Variants in MAP3K9 observed in about 807,000 individuals in gnomAD.
MAP3K9 encodes the protein mitogen-activated protein kinase kinase kinase 9, also known as mixed lineage kinase 1 (tyr and ser/thr specificity).
In MAP3K9, 46 loss-of-function variants were observed where a neutral mutation model predicts 95.8. The observed-to-expected ratio is 0.48, with a 90% CI of 0.38 to 0.61. The LOEUF (loss-of-function observed/expected upper bound fraction) is 0.61. Ranked by LOEUF, MAP3K9 falls within the 20% of genes least tolerant of loss-of-function variation. The pLI, the probability that MAP3K9 is intolerant of heterozygous loss-of-function variation, is 0.00. For missense variants in MAP3K9, 1,296 were observed against 1,474.3 expected, an observed-to-expected ratio of 0.88 and a Z score of 1.98; for synonymous variants, 533 against 593.8, an observed-to-expected ratio of 0.90 and a Z score of 1.49.
intron 2 of MAP3K9, among the ~76,000 whole-genome samples, chr14:70,779,651 G>C (rs560047348): frequency 1.3e-5 from 2 of 152,252 alleles, no homozygotes; most frequent in East Asian, 1.9e-4. Flanking sequence ...CTTCCAACAG[G>C]AACTGAAGCT....
In MAP3K9 at chr14:70,733,239, A is replaced by C. The variant is rs764811729; in HGVS notation, c.2130T>G (p.Asp710Glu). 9 of 1,612,478 alleles carry C rather than the reference A, an allele frequency of 5.6e-6. No homozygotes were observed. The highest frequency in any genetic ancestry group is 1.3e-5 in the African/African-American group (1 of 74,894). Residue 710 changes from aspartate (D) to glutamate (E), a missense_variant, in exon 11 of 12, where the codon GAT becomes GAG. Asp to Glu is a conservative substitution (Grantham distance 45). Transcript: ENST00000554752. Reference sequence around the variant, plus strand: ...CATGGATTCCATCACTGGAGGGGCCATCGCCATCCTCTCCACGAGGGAATG... The same window carrying C: ...CATGGATTCCATCACTGGAGGGGCCCTCGCCATCCTCTCCACGAGGGAATG... ...CIPFPRGEDG[D>E]GPSSDGIHEE...
rs998920595 is a variant in MAP3K9, at chr14:70,809,382, T to G, written c.-211A>C. 1.9e-6 allele frequency: 1 copy of G among 526,978 alleles called. No homozygotes were observed. Among genetic ancestry groups the G allele is most frequent in the East Asian group, 3.7e-5 (1 of 26,844 alleles). 32.6% of individuals were successfully genotyped at this position (526,978 alleles called of 1,614,324 possible). Reference sequence around the variant, plus strand: ...CCGAGCGCGAGCTCTTCGCGCAGCCTAGGGGCGCAGCGGGCCGAGTCCCCG... The same window carrying G: ...CCGAGCGCGAGCTCTTCGCGCAGCCGAGGGGCGCAGCGGGCCGAGTCCCCG... On this transcript the variant is annotated 5_prime_UTR_variant, in exon 1 of 12. Transcript: ENST00000554752.
At chr14:70,752,783 T>C (rs2054247670) in intron 3 of MAP3K9, among the ~76,000 whole-genome samples, 1 of 152,194 alleles carries the variant, frequency 6.6e-6, no homozygotes, top group Non-Finnish European at 1.5e-5. Flanking sequence ...TTTGTGTCCC[T>C]GCATCCCTTC....
intron 2 of MAP3K9, among the ~76,000 whole-genome samples, chr14:70,775,927 G>A (rs1317648218): frequency 6.6e-6 from 1 of 152,228 alleles, no homozygotes; most frequent in Non-Finnish European, 1.5e-5. Context: ...GGTGGCTCAA[G>A]CCTGTAATCC....
intron 2 of MAP3K9, among the ~76,000 whole-genome samples, chr14:70,798,517 C>T (rs1439510402): frequency 4.6e-5 from 5 of 107,544 alleles, no homozygotes; most frequent in Admixed American, 3.9e-4. Flanking sequence ...CTCGCTCTGT[C>T]GCCCAGGCTG....
chr14:70,795,411 C>T (rs112455094), intron 2 of MAP3K9, among the ~76,000 whole-genome samples: 6,046 of 152,084 alleles, frequency 0.04, 150 homozygotes, highest in Admixed American at 0.061. Flanking sequence ...CAGGCTCAAG[C>T]GATCCTCCCA....
At chr14:70,754,910 C>T (rs2054277713) in intron 3 of MAP3K9, among the ~76,000 whole-genome samples, 1 of 152,200 alleles carries the variant, frequency 6.6e-6, no homozygotes, top group African/African-American at 2.4e-5. Flanking sequence ...AGAAAGGGAA[C>T]AATTTCAGCA....
chr14:70,765,827 T>C (rs574271145), intron 2 of MAP3K9, among the ~76,000 whole-genome samples: 3 of 147,930 alleles, frequency 2.0e-5, no homozygotes, highest in Non-Finnish European at 4.4e-5. Flanking sequence ...CTACACCATA[T>C]AGCCCAGGTG....
chr14:70,742,602 G>A lies in MAP3K9; in HGVS notation c.1327-11C>T, dbSNP rs773095243. On this transcript the variant is annotated splice_polypyrimidine_tract_variant and intron_variant, in intron 5 of 11. Transcript: ENST00000554752. ...CCAGGTGCGAAGTTCCTGCAGGATG[G>A]GCAGAACCATCAGAGAAAAGACTGG... 1 of 1,612,774 alleles carries A rather than the reference G, an allele frequency of 6.2e-7. No individual in the cohort carries two copies. Among genetic ancestry groups the A allele is most frequent in the Non-Finnish European group, 8.5e-7 (1 of 1,179,230 alleles).
In MAP3K9 at chr14:70,723,173, T is replaced by A. The variant is rs530425579; in HGVS notation, c.*7207A>T. 2.0e-5 allele frequency: 3 copies of A among 152,262 alleles called. No homozygotes were observed. In the South Asian group the frequency reaches 6.2e-4, roughly 32 times the overall value. The allele number at this position is 152,262 out of a possible 1,614,324, so 9.4% of individuals were successfully genotyped here. Reference sequence around the variant, plus strand: ...AAAAAGGCAAAAGCCTGACCTCAAGTGCCCAGGGAGGAGACACAAGCTACA... The same window carrying A: ...AAAAAGGCAAAAGCCTGACCTCAAGAGCCCAGGGAGGAGACACAAGCTACA... On this transcript the variant is annotated 3_prime_UTR_variant, in exon 12 of 12. Transcript: ENST00000554752.
intron 2 of MAP3K9, among the ~76,000 whole-genome samples, chr14:70,779,269 C>T (rs2054642523): frequency 6.6e-6 from 1 of 152,114 alleles, no homozygotes; most frequent in Non-Finnish European, 1.5e-5. Context: ...AGTGTTGTGA[C>T]AAGATTTGAG....
rs776665738 is a variant in MAP3K9, at chr14:70,730,696, T to C, written c.2999A>G (p.Asn1000Ser). Residue 1000 changes from asparagine to serine, a missense_variant, in exon 12 of 12, where the codon AAC becomes AGC. Physicochemically the swap from Asn to Ser is conservative, Grantham distance 46. Coordinates refer to ENST00000554752, the MANE Select transcript of MAP3K9 (RefSeq NM_001284230.2). The part of the protein sequence containing the change: ...EFLPRPRPSA[N>S]RQRLDPWWFV... ...CCACCAAGGGTCCAGCCGTTGCCGG[T>C]TGGCAGAAGGACGCGGCCGAGGCAG... 19 of 1,613,804 alleles carry C rather than the reference T, an allele frequency of 1.2e-5. No homozygotes were observed. The highest frequency in any genetic ancestry group is 8.3e-5 in the Admixed American group (5 of 60,010).
chr14:70,807,900 G>C (rs2055007629), intron 1 of MAP3K9, among the ~76,000 whole-genome samples: 2 of 152,198 alleles, frequency 1.3e-5, no homozygotes, highest in African/African-American at 4.8e-5. Flanking sequence ...AGGACACTGG[G>C]AGAAAGGCCC....
intron 2 of MAP3K9, among the ~76,000 whole-genome samples, chr14:70,776,456 C>A (rs1392655701): frequency 2.0e-5 from 3 of 152,138 alleles, no homozygotes; most frequent in Non-Finnish European, 4.4e-5. Context: ...TTGAGTAGTA[C>A]AGGCTGGACC....
At chr14:70,790,115 A>T (rs1322579746) in intron 2 of MAP3K9, among the ~76,000 whole-genome samples, 2 of 152,170 alleles carry the variant, frequency 1.3e-5, no homozygotes, top group Non-Finnish European at 2.9e-5. Flanking sequence ...AATCTCCAGG[A>T]TGGTTCATGT....
intron 1 of MAP3K9, among the ~76,000 whole-genome samples, chr14:70,804,508 G>A (rs895021495): frequency 2.6e-5 from 4 of 152,152 alleles, no homozygotes; most frequent in Admixed American, 2.0e-4. Context: ...AAAGATGTGT[G>A]ATTACTTAAC....
intron 2 of MAP3K9, among the ~76,000 whole-genome samples, chr14:70,796,928 T>C (rs1407434774): frequency 1.3e-5 from 2 of 152,224 alleles, no homozygotes; most frequent in African/African-American, 4.8e-5. Context: ...CCGCTGTTAT[T>C]TGGTTTGGCT....
At position 70,730,497 on chromosome 14, in the gene MAP3K9, C is replaced by T; in HGVS notation, c.3198G>A (p.Thr1066=). 2.5e-6 allele frequency: 4 copies of T among 1,614,090 alleles called. No individual in the cohort carries two copies. Among genetic ancestry groups the T allele is most frequent in the African/African-American group, 1.3e-5 (1 of 75,062 alleles). The change falls in exon 12 of 12, where the codon ACG becomes ACA. Residue 1066 remains threonine, a synonymous_variant. Coordinates refer to ENST00000554752, the MANE Select transcript of MAP3K9 (RefSeq NM_001284230.2). ...GCCCCTCTGCATCCAGGTCCAGGAGCGTCCGCTCAGTCGGGGGCAGCGGCC... is the reference window on the plus strand; with the variant it reads ...GCCCCTCTGCATCCAGGTCCAGGAGTGTCCGCTCAGTCGGGGGCAGCGGCC... The part of the protein sequence containing the change: ...QAGPLPPTER[T]LLDLDAEGQS...
At chr14:70,781,642 G>A (rs1279107912) in intron 2 of MAP3K9, among the ~76,000 whole-genome samples, 1 of 152,162 alleles carries the variant, frequency 6.6e-6, no homozygotes, top group African/African-American at 2.4e-5. Context: ...CATTTACTTT[G>A]TGCCAGGCAT....
Sources: allele counts gnomAD v4.1 joint callset (sites outside exome capture counted in the v4.1 genomes callset), GRCh38; gene constraint gnomAD v4.1.1; transcripts MANE v1.5; gene names NCBI Gene and HGNC (gene_info 2026-07-23, HGNC 2026-07-21).